CDYL: variants seen among roughly 807,000 people sequenced by gnomAD.
The protein encoded by CDYL is chromodomain Y-like protein.
In CDYL, 8 loss-of-function variants were observed where a neutral mutation model predicts 47.3. The ratio of observed to expected loss-of-function variants is 0.17; its 90% CI spans 0.10 to 0.31. CDYL has a LOEUF of 0.31. Among genes scored for constraint, CDYL ranks in the 10% least tolerant of loss-of-function variants. The pLI is 1.00. For synonymous variants in CDYL, 266 were observed against 265.0 expected, an observed-to-expected ratio of 1.00 and a Z score of -0.04; for missense variants, 471 against 701.4, an observed-to-expected ratio of 0.67 and a Z score of 3.71.
intron 2 of CDYL, among the ~76,000 whole-genome samples, chr6:4,719,287 T>G (rs1289087281): frequency 1.3e-5 from 2 of 152,244 alleles, no homozygotes; most frequent in African/African-American, 2.4e-5. Context: ...CTCTTGTGCA[T>G]GTATCTGGGT....
chr6:4,717,104 G>A (rs115437516), intron 2 of CDYL, among the ~76,000 whole-genome samples: 1,966 of 152,242 alleles, frequency 0.013, 45 homozygotes, highest in African/African-American at 0.045. Flanking sequence ...AAAAGGGTGG[G>A]TAGGATATAA....
chr6:4,857,465 G>C (rs1400710587), intron 1 of CDYL, among the ~76,000 whole-genome samples: 1 of 152,192 alleles, frequency 6.6e-6, no homozygotes, highest in Non-Finnish European at 1.5e-5. Flanking sequence ...TGAGAAATAA[G>C]TCTAAGAGAC....
At chr6:4,878,826 T>C (rs1374513396) in intron 1 of CDYL, among the ~76,000 whole-genome samples, 6 of 152,156 alleles carry the variant, frequency 3.9e-5, no homozygotes, top group Admixed American at 3.3e-4. Context: ...ATTTTTCTGT[T>C]TTTTTCAAGT....
chr6:4,708,670 A>C (rs1757091969), intron 1 of CDYL, among the ~76,000 whole-genome samples: 2 of 152,212 alleles, frequency 1.3e-5, no homozygotes, highest in African/African-American at 2.4e-5. Flanking sequence ...AAGTTTATAA[A>C]TCTTATATGC....
Position 4,943,529 on chromosome 6 carries a change from T to G in CDYL, c.1122-17T>G. Reference sequence around the variant, plus strand: ...ATGCAATGTTTTGAGTAATTCCCCATTTATTTTTCATTTTAGAAACTTCGT... The same window carrying G: ...ATGCAATGTTTTGAGTAATTCCCCAGTTATTTTTCATTTTAGAAACTTCGT... On this transcript the variant is annotated splice_polypyrimidine_tract_variant and intron_variant, in intron 4 of 6. Transcript: ENST00000397588. The G allele has an allele frequency of 6.4e-7, 1 of 1,552,432 alleles. No homozygotes were observed. Among genetic ancestry groups the G allele is most frequent in the Non-Finnish European group, 8.9e-7 (1 of 1,128,410 alleles).
intron 2 of CDYL, among the ~76,000 whole-genome samples, chr6:4,925,911 G>A (rs369409064): frequency 1.3e-5 from 2 of 152,220 alleles, no homozygotes; most frequent in East Asian, 1.9e-4. Flanking sequence ...CTAGCTCATC[G>A]TTTTCCCCTG....
chr6:4,896,576 T>C (rs1021514523), intron 2 of CDYL, among the ~76,000 whole-genome samples: 1 of 152,116 alleles, frequency 6.6e-6, no homozygotes, highest in African/African-American at 2.4e-5. Flanking sequence ...TAACAACATA[T>C]ATGGCCAGAA....
At chr6:4,816,246 G>A (rs889205982) in intron 1 of CDYL, among the ~76,000 whole-genome samples, 1 of 147,300 alleles carries the variant, frequency 6.8e-6, no homozygotes, top group South Asian at 2.1e-4. Flanking sequence ...AATCTCTCGC[G>A]TCCCTGTTTT....
chr6:4,943,456 A>T, intron 4 of CDYL, 90 bp from the exon 5 acceptor site: 2 of 925,778 alleles, frequency 2.2e-6, no homozygotes, highest in Non-Finnish European at 1.7e-6. Flanking sequence ...CGTAGCATTT[A>T]CATCTTGGTA....
intron 1 of CDYL, among the ~76,000 whole-genome samples, chr6:4,711,010 A>G (rs1256943436): frequency 6.6e-6 from 1 of 152,146 alleles, no homozygotes. Flanking sequence ...TTCACTATGG[A>G]TATGTACTGC....
chr6:4,783,566 A>G (rs112400533), intron 1 of CDYL, among the ~76,000 whole-genome samples: 9,442 of 151,866 alleles, frequency 0.062, 320 homozygotes, highest in Middle Eastern at 0.088. Context: ...ATGGGCATGC[A>G]CCACCATGCC....
At chr6:4,892,971 C>A (rs17138929) in intron 2 of CDYL, among the ~76,000 whole-genome samples, 4 of 152,234 alleles carry the variant, frequency 2.6e-5, no homozygotes, top group Non-Finnish European at 5.9e-5. Flanking sequence ...CAGCCCCGCT[C>A]CTGGGTTCTG....
intron 2 of CDYL, among the ~76,000 whole-genome samples, chr6:4,901,752 G>A (rs1757061969): frequency 6.6e-6 from 1 of 152,154 alleles, no homozygotes; most frequent in Admixed American, 6.5e-5. Context: ...TGTCAAGTGA[G>A]TGAAACTGAA....
Position 4,776,433 on chromosome 6 carries a change from A to C in CDYL, c.-351A>C, listed in dbSNP as rs1489889408. 1.4e-5 allele frequency: 2 copies of C among 143,572 alleles called. No homozygotes were observed. The highest frequency in any genetic ancestry group is 2.5e-5 in the African/African-American group (1 of 39,526). The allele number at this position is 143,572 out of a possible 1,614,324, so 8.9% of individuals were successfully genotyped here. ...GCAAGTAGGAAGCTTTCTGCACTAC[A>C]CCGGAGAGGGGAGCCGCGATCCGGC... On this transcript the variant is annotated 5_prime_UTR_variant, in exon 1 of 7. Coordinates refer to ENST00000397588, the MANE Select transcript of CDYL (RefSeq NM_004824.4).
intron 1 of CDYL, among the ~76,000 whole-genome samples, chr6:4,828,171 G>T (rs1760031177): frequency 1.3e-5 from 2 of 151,518 alleles, no homozygotes; most frequent in South Asian, 4.2e-4. Context: ...ATTTATCTGG[G>T]AATGTCTTAC....
At chr6:4,940,403 T>C (rs1443018314) in intron 4 of CDYL, among the ~76,000 whole-genome samples, 1 of 152,222 alleles carries the variant, frequency 6.6e-6, no homozygotes, top group Non-Finnish European at 1.5e-5. Flanking sequence ...GCTCTTCCTG[T>C]GTATATTTTT....
chr6:4,856,034 T>C (rs1322217435), intron 1 of CDYL, among the ~76,000 whole-genome samples: 2 of 152,210 alleles, frequency 1.3e-5, no homozygotes, highest in Non-Finnish European at 2.9e-5. Context: ...ATTAAAAGTG[T>C]TATGATCTGG....
chr6:4,815,578 T>G (rs1355554247), intron 1 of CDYL, among the ~76,000 whole-genome samples: 1 of 152,168 alleles, frequency 6.6e-6, no homozygotes, highest in African/African-American at 2.4e-5. Flanking sequence ...CCTGCCTTCC[T>G]GCATGTGTAT....
intron 1 of CDYL, among the ~76,000 whole-genome samples, chr6:4,834,306 A>C (rs1205714568): frequency 2.0e-5 from 3 of 150,580 alleles, no homozygotes; most frequent in Non-Finnish European, 4.5e-5. Context: ...TTGTCTGTAA[A>C]GTATTTTATT....
Sources: allele counts gnomAD v4.1 joint callset (sites outside exome capture counted in the v4.1 genomes callset), GRCh38; gene constraint gnomAD v4.1.1; transcripts MANE v1.5; gene names NCBI Gene and HGNC (gene_info 2026-07-23, HGNC 2026-07-21).